Variants in FEZ1 observed in about 807,000 individuals in gnomAD.
FEZ1 encodes fasciculation and elongation protein zeta-1.
Under a neutral mutation model 49.3 loss-of-function variants are expected in FEZ1, and 20 were observed. The ratio of observed to expected loss-of-function variants is 0.41; its 90% CI spans 0.29 to 0.59. FEZ1 has a LOEUF of 0.59. Ranked by LOEUF, FEZ1 falls within the 20% of genes least tolerant of loss-of-function variation. FEZ1 has a pLI of 0.36. For synonymous variants in FEZ1, 170 were observed against 180.9 expected, an observed-to-expected ratio of 0.94 and a Z score of 0.48; for missense variants, 413 against 476.0, an observed-to-expected ratio of 0.87 and a Z score of 1.23.
chr11:125,483,366 C>T (rs1957301482), intron 2 of FEZ1, among the ~76,000 whole-genome samples: 1 of 152,168 alleles, frequency 6.6e-6, no homozygotes, highest in Non-Finnish European at 1.5e-5. Context: ...TCTGCTTATT[C>T]ATTATTTTCC....
chr11:125,481,642 A>G lies in FEZ1; in HGVS notation c.312-9T>C. On this transcript the variant is annotated splice_polypyrimidine_tract_variant and intron_variant, in intron 2 of 9. Transcript: ENST00000278919. ...TCAGAGCATCCCAAACCCTGTAAACAAAGAGAAGCTCTCATTAACACACAT... is the reference window on the plus strand; with the variant it reads ...TCAGAGCATCCCAAACCCTGTAAACGAAGAGAAGCTCTCATTAACACACAT... The G allele has an allele frequency of 6.3e-7, 1 of 1,582,554 alleles. No individual in the cohort carries two copies. The highest frequency in any genetic ancestry group is 8.7e-7 in the Non-Finnish European group (1 of 1,151,492).
At chr11:125,460,780 C>A (rs1957067610) in intron 4 of FEZ1, 114 bp from the exon 5 acceptor site, 1 of 866,322 alleles carries the variant, frequency 1.2e-6, no homozygotes. Flanking sequence ...ATTTCTAAAG[C>A]AATATTGTTT....
At position 125,444,937 on chromosome 11, in the gene FEZ1, C is replaced by G. The variant is rs529428770; in HGVS notation, c.*1158G>C. On this transcript the variant is annotated 3_prime_UTR_variant, in exon 10 of 10. Transcript: ENST00000278919. Reference sequence around the variant, plus strand: ...TAATGCACGATGAAGCCAGTGCAGGCTACAGCAAGTGCCCAGTACAAGTTT... The same window carrying G: ...TAATGCACGATGAAGCCAGTGCAGGGTACAGCAAGTGCCCAGTACAAGTTT... Among the ~76,000 whole-genome samples, 3 of 152,218 alleles carry G rather than the reference C, an allele frequency of 2.0e-5. No individual in the cohort carries two copies. The highest frequency in any genetic ancestry group is 4.4e-5 in the Non-Finnish European group (3 of 68,048).
intron 3 of FEZ1, among the ~76,000 whole-genome samples, chr11:125,474,326 C>A (rs1482331948): frequency 1.3e-5 from 2 of 151,212 alleles, no homozygotes; most frequent in Non-Finnish European, 2.9e-5. Context: ...ACATGAGCTA[C>A]CACGCCCGGC....
chr11:125,489,186 G>T lies in FEZ1; in HGVS notation c.311+281C>A. 9.1e-7 allele frequency: 1 copy of T among 1,096,102 alleles called. No individual in the cohort carries two copies. The highest frequency in any genetic ancestry group is 5.5e-5 in the East Asian group (1 of 18,228). 67.9% of individuals were successfully genotyped at this position (1,096,102 alleles called of 1,614,324 possible). Reference sequence around the variant, plus strand: ...TTCCACTGATATAAAGAAAGCTTAAGATAGACAGACCCTGAAATTTACTGT... The same window carrying T: ...TTCCACTGATATAAAGAAAGCTTAATATAGACAGACCCTGAAATTTACTGT... On this transcript the variant is annotated intron_variant, in intron 2 of 9. Coordinates refer to ENST00000278919, the MANE Select transcript of FEZ1 (RefSeq NM_005103.5). The surrounding 1 kb of genome is among the most constrained non-coding windows in gnomAD (Gnocchi z 4.2).
At chr11:125,466,488 A>G (rs921914420) in intron 3 of FEZ1, among the ~76,000 whole-genome samples, 4 of 145,398 alleles carry the variant, frequency 2.8e-5, no homozygotes, top group African/African-American at 1.0e-4. Context: ...GATCCTGTCT[A>G]AAAAAAAAAA....
Position 125,481,415 on chromosome 11 carries a change from G to T in FEZ1, c.411+119C>A, listed in dbSNP as rs1957278183. ...TCACCCACCTCGGTCTCCCAAAGCT[G>T]AGATTACAGGCATGAGCCTCCATCA... is the stretch of plus-strand genomic sequence containing the variant. On this transcript the variant is annotated intron_variant, in intron 3 of 9. Coordinates refer to ENST00000278919, the MANE Select transcript of FEZ1 (RefSeq NM_005103.5). 3 of 771,066 alleles carry T rather than the reference G, an allele frequency of 3.9e-6. No homozygotes were observed. The East Asian group carries it at 7.3e-5, about 19-fold the overall frequency. 47.8% of individuals were successfully genotyped at this position (771,066 alleles called of 1,614,324 possible). A position where few individuals can be genotyped will look rare whatever the true frequency, so the allele number is the denominator to read the frequency against.
Position 125,455,900 on chromosome 11 carries a change from G to C in FEZ1, c.874C>G (p.Arg292Gly). The change falls in exon 6 of 10, where the codon CGG becomes GGG. Residue 292 changes from arginine (R) to glycine (G), a missense_variant. Physicochemically the swap from Arg to Gly is moderately radical, Grantham distance 125. Coordinates refer to ENST00000278919, the MANE Select transcript of FEZ1 (RefSeq NM_005103.5). Reference sequence around the variant, plus strand: ...TGCAGGCTCAGCCCTTTCTCTTTCCGCCTCTTTTTCATCAGTTCTCGCTGC... The same window carrying C: ...TGCAGGCTCAGCCCTTTCTCTTTCCCCCTCTTTTTCATCAGTTCTCGCTGC... The part of the protein sequence containing the change: ...KEQRELMKKR[R>G]KEKGLSLQSS... 6.2e-7 allele frequency: 1 copy of C among 1,613,422 alleles called. No homozygotes were observed. The highest frequency in any genetic ancestry group is 1.7e-5 in the Admixed American group (1 of 59,928).
At chr11:125,476,371 A>T (rs1214884578) in intron 3 of FEZ1, among the ~76,000 whole-genome samples, 1 of 152,240 alleles carries the variant, frequency 6.6e-6, no homozygotes, top group Admixed American at 6.5e-5. Flanking sequence ...GGTTGAGTTG[A>T]CATTTGCAAA....
At position 125,459,267 on chromosome 11, in the gene FEZ1, C is replaced by T. The variant is rs1173023990; in HGVS notation, c.667+1231G>A. Among the ~76,000 whole-genome samples, 3 of 152,078 alleles carry T rather than the reference C, an allele frequency of 2.0e-5. No homozygotes were observed. In the East Asian group the frequency reaches 5.8e-4, roughly 29 times the overall value. The stretch of plus-strand genomic sequence containing the variant: ...CAGAGAGTTGTCTGTGATGTGGCTC[C>T]CATCCTGGTTTAGTGCTTATTCAAT... On this transcript the variant is annotated intron_variant, in intron 5 of 9. Transcript: ENST00000278919.
At chr11:125,455,743 G>A (rs758169678) in intron 6 of FEZ1, 92 bp downstream of exon 6, 116 of 1,335,902 alleles carry the variant, frequency 8.7e-5, no homozygotes, top group Non-Finnish European at 1.2e-4. Context: ...CTCGGTAAAC[G>A]TTGATGAGTC....
intron 3 of FEZ1, among the ~76,000 whole-genome samples, chr11:125,464,768 C>T (rs1272343219): frequency 6.6e-6 from 1 of 152,146 alleles, no homozygotes; most frequent in Non-Finnish European, 1.5e-5. Context: ...ATGCCATCCG[C>T]ACTCAACCTA....
chr11:125,477,357 T>G (rs1303203199), intron 3 of FEZ1, among the ~76,000 whole-genome samples: 1 of 150,620 alleles, frequency 6.6e-6, no homozygotes, highest in Admixed American at 6.6e-5. Flanking sequence ...AAAAAAAAAT[T>G]AGCTGAGCGT....
At chr11:125,477,106 A>C (rs1324031919) in intron 3 of FEZ1, among the ~76,000 whole-genome samples, 2 of 152,168 alleles carry the variant, frequency 1.3e-5, no homozygotes, top group Non-Finnish European at 2.9e-5. Context: ...TGATTTATTT[A>C]AGCATTGTGT....
chr11:125,449,591 G>C (rs1329274528), intron 8 of FEZ1, among the ~76,000 whole-genome samples: 2 of 152,052 alleles, frequency 1.3e-5, no homozygotes, highest in African/African-American at 4.8e-5. Context: ...ACATGAAACT[G>C]TTAAGTAGTT....
intron 3 of FEZ1, among the ~76,000 whole-genome samples, chr11:125,467,477 A>G (rs552832451): frequency 6.6e-5 from 10 of 152,366 alleles, no homozygotes; most frequent in African/African-American, 1.7e-4. Context: ...AACAATTGAA[A>G]AAGAGAGGAC....
rs1410211889 is a variant in FEZ1 at position 125,495,451 on chromosome 11, G to A, written c.-46+670C>T. 1 of 470,238 alleles carries A rather than the reference G, an allele frequency of 2.1e-6. No homozygotes were observed. Among genetic ancestry groups the A allele is most frequent in the South Asian group, 1.6e-5 (1 of 64,502 alleles). The allele number at this position is 470,238 out of a possible 1,614,324, so 29.1% of individuals were successfully genotyped here. The stretch of plus-strand genomic sequence containing the variant: ...AGCCCGGGGCCCACCCGACGGCAGC[G>A]CGCCCCGCCACCGCGCAGCCGCCCC... On this transcript the variant is annotated intron_variant, in intron 1 of 9. Transcript: ENST00000278919. The surrounding 1 kb of genome is among the most constrained non-coding windows in gnomAD (Gnocchi z 4.2).
At chr11:125,493,172 CAA>C (rs576444823) in intron 1 of FEZ1, among the ~76,000 whole-genome samples, 4 of 134,910 alleles carry the variant, frequency 3.0e-5, no homozygotes, top group South Asian at 2.4e-4. Flanking sequence ...ACTAAAAATA[CAA>C]AAAAAAAAAA....
intron 5 of FEZ1, among the ~76,000 whole-genome samples, chr11:125,457,429 A>AAATATAT (rs1164500309): frequency 6.7e-4 from 14 of 20,912 alleles, no homozygotes; most frequent in East Asian, 1.5e-3. Context: ...AAAAAAAAAA[A>AAATATAT]ATATATATAT....
Sources: gnomAD v4.1 joint callset for allele counts (sites outside exome capture counted in the v4.1 genomes callset) on GRCh38, gnomAD v4.1.1 for gene constraint, Gnocchi (gnomAD v3.1) non-coding constraint, MANE v1.5 for transcripts, NCBI Gene and HGNC (gene_info 2026-07-23, HGNC 2026-07-21) for gene names.